DOCK4: variants seen among roughly 807,000 people sequenced by gnomAD.
DOCK4 encodes the protein dedicator of cytokinesis protein 4.
Under a neutral mutation model 268.1 loss-of-function variants are expected in DOCK4, and 97 were observed. The ratio of observed to expected loss-of-function variants is 0.36; its 90% CI spans 0.31 to 0.43. The LOEUF (loss-of-function observed/expected upper bound fraction) is 0.43. Ranked by LOEUF, DOCK4 falls within the 20% of genes least tolerant of loss-of-function variation. DOCK4 has a pLI of 1.00. For missense variants in DOCK4, 2,145 were observed against 2,455.7 expected, an observed-to-expected ratio of 0.87 and a Z score of 2.67; for synonymous variants, 954 against 887.2, an observed-to-expected ratio of 1.08 and a Z score of -1.34.
intron 40 of DOCK4, among the ~76,000 whole-genome samples, chr7:111,759,080 G>T (rs1377915472): frequency 6.6e-6 from 1 of 152,186 alleles, no homozygotes; most frequent in Admixed American, 6.6e-5. Flanking sequence ...TTGTGTGTGT[G>T]TATGTGTGTG....
At chr7:111,747,141 ACT>A in intron 43 of DOCK4, 124 bp downstream of exon 43, 2 of 778,196 alleles carry the variant, frequency 2.6e-6, no homozygotes, top group Middle Eastern at 4.8e-4. Context: ...TTAACAAAGG[ACT>A]CTGTGTCAAT....
At chr7:111,810,586 TTATC>T (rs1409134003) in intron 28 of DOCK4, among the ~76,000 whole-genome samples, 4 of 152,196 alleles carry the variant, frequency 2.6e-5, no homozygotes, top group African/African-American at 9.7e-5. Flanking sequence ...ATTTTTCTCT[TTATC>T]TGTCAGAAAA....
At chr7:112,126,767 T>C (rs893962136) in intron 1 of DOCK4, among the ~76,000 whole-genome samples, 8 of 152,130 alleles carry the variant, frequency 5.3e-5, no homozygotes, top group Non-Finnish European at 1.0e-4. Context: ...CAGACACTTC[T>C]CAAAGGAAGA....
At chr7:111,955,485 G>A (rs905449937) in intron 8 of DOCK4, among the ~76,000 whole-genome samples, 1 of 152,192 alleles carries the variant, frequency 6.6e-6, no homozygotes, top group Admixed American at 6.5e-5. Context: ...TGACACAACA[G>A]GAGACATATT....
intron 25 of DOCK4, among the ~76,000 whole-genome samples, chr7:111,839,090 T>C (rs1372151121): frequency 1.3e-5 from 2 of 152,224 alleles, no homozygotes; most frequent in African/African-American, 4.8e-5. Flanking sequence ...GAGACTGGGA[T>C]GTGAACCCAG....
chr7:111,855,455 A>G (rs112029318), intron 23 of DOCK4, among the ~76,000 whole-genome samples: 12 of 152,280 alleles, frequency 7.9e-5, no homozygotes, highest in African/African-American at 2.4e-4. Context: ...CTGAGCCAGG[A>G]AAGACTAAGC....
At position 112,069,173 on chromosome 7, in the gene DOCK4, C is replaced by T. The variant is rs114304875; in HGVS notation, c.38-65042G>A. On this transcript the variant is annotated intron_variant, in intron 1 of 52. Coordinates refer to ENST00000428084, the MANE Select transcript of DOCK4 (RefSeq NM_001363540.2). ...GATGGCTTGTACACCAAGCCGTCTA[C>T]GTAACACCAAGTTTGTACACCGAGC... Among the ~76,000 whole-genome samples, 769 of 152,238 alleles carry T rather than the reference C, an allele frequency of 5.1e-3. 7 individuals carry two copies. Among genetic ancestry groups the T allele is most frequent in the African/African-American group, 0.017 (726 of 41,542 alleles).
intron 42 of DOCK4, among the ~76,000 whole-genome samples, chr7:111,754,235 T>C (rs762535770): frequency 2.6e-5 from 4 of 152,246 alleles, no homozygotes; most frequent in Non-Finnish European, 4.4e-5. Context: ...TTGGGGACTC[T>C]GGACCTCAGA....
At chr7:111,944,533 AAT>A (rs1369015661) in intron 10 of DOCK4, among the ~76,000 whole-genome samples, 1 of 152,218 alleles carries the variant, frequency 6.6e-6, no homozygotes, top group Non-Finnish European at 1.5e-5. Flanking sequence ...TTTTGAATCA[AAT>A]ATGTTTAGGA....
At chr7:112,138,673 T>C (rs1464634092) in intron 1 of DOCK4, among the ~76,000 whole-genome samples, 1 of 152,154 alleles carries the variant, frequency 6.6e-6, no homozygotes, top group Non-Finnish European at 1.5e-5. Context: ...ATGAGCTAAA[T>C]GTTCGTGTCT....
rs148041880 is a variant in DOCK4, at chr7:112,081,783, G to A, written c.38-77652C>T. 2.9e-4 allele frequency among the ~76,000 whole-genome samples: 44 copies of A among 152,256 alleles called. 1 individual carries two copies. The East Asian group carries it at 7.3e-3, about 25-fold the overall frequency. On this transcript the variant is annotated intron_variant, in intron 1 of 52. Coordinates refer to ENST00000428084, the MANE Select transcript of DOCK4 (RefSeq NM_001363540.2). ...TTCTCTTGAAGGGGTCAAAAAGAAA[G>A]ATGGTAAATTGGATCTGGGGCTCAA...
At chr7:111,904,137 T>TC (rs1471418096) in intron 13 of DOCK4, among the ~76,000 whole-genome samples, 1 of 152,166 alleles carries the variant, frequency 6.6e-6, no homozygotes, top group African/African-American at 2.4e-5. Flanking sequence ...TTTCCCTCTG[T>TC]CCGTAGGCTA....
chr7:112,183,349 A>C (rs1819219137), intron 1 of DOCK4, among the ~76,000 whole-genome samples: 1 of 152,226 alleles, frequency 6.6e-6, no homozygotes, highest in African/African-American at 2.4e-5. Context: ...ATAAAGCAGG[A>C]CATCAATAAA....
At chr7:112,134,635 G>C (rs1208882243) in intron 1 of DOCK4, among the ~76,000 whole-genome samples, 1 of 152,180 alleles carries the variant, frequency 6.6e-6, no homozygotes, top group Non-Finnish European at 1.5e-5. Context: ...AGAATGGCGT[G>C]AACCCGGAAG....
chr7:111,841,496 A>T (rs1803690949), intron 25 of DOCK4, among the ~76,000 whole-genome samples: 1 of 152,090 alleles, frequency 6.6e-6, no homozygotes, highest in South Asian at 2.1e-4. Context: ...AGGCTTAGAG[A>T]CATTAGTAAC....
intron 1 of DOCK4, among the ~76,000 whole-genome samples, chr7:112,040,947 A>G (rs765517587): frequency 7.2e-5 from 11 of 152,214 alleles, no homozygotes; most frequent in Non-Finnish European, 1.0e-4. Context: ...TGCAGTGTCT[A>G]AAGTAGTTAT....
intron 13 of DOCK4, among the ~76,000 whole-genome samples, chr7:111,911,794 T>C (rs1375216466): frequency 6.6e-6 from 1 of 152,192 alleles, no homozygotes; most frequent in Non-Finnish European, 1.5e-5. Context: ...GCTGGCTGCA[T>C]TCTGCTCTAA....
At chr7:111,859,814 G>A (rs575007043) in intron 23 of DOCK4, among the ~76,000 whole-genome samples, 88 of 152,110 alleles carry the variant, frequency 5.8e-4, no homozygotes, top group Admixed American at 1.2e-3. Flanking sequence ...TGATCCGCCC[G>A]CCTCGGCCTC....
chr7:112,093,307 C>A (rs1158126546), intron 1 of DOCK4, among the ~76,000 whole-genome samples: 1 of 152,122 alleles, frequency 6.6e-6, no homozygotes, highest in Non-Finnish European at 1.5e-5. Context: ...CCTGTTAACA[C>A]TGTTAAGTAA....
Sources: gnomAD v4.1 joint callset for allele counts (sites outside exome capture counted in the v4.1 genomes callset) on GRCh38, gnomAD v4.1.1 for gene constraint, MANE v1.5 for transcripts, NCBI Gene and HGNC (gene_info 2026-07-23, HGNC 2026-07-21) for gene names.